CALN1: variants seen among roughly 807,000 people sequenced by gnomAD.
CALN1 encodes calneuron 1.
In CALN1, 17 loss-of-function variants were observed where a neutral mutation model predicts 30.6. That is an observed-to-expected ratio of 0.56 (90% CI 0.38 to 0.83). The LOEUF is 0.83. Among genes scored for constraint, CALN1 ranks in the 40% least tolerant of loss-of-function variants. The pLI, the probability that CALN1 is intolerant of heterozygous loss-of-function variation, is 0.00. For missense variants in CALN1, 291 were observed against 354.9 expected (o/e 0.82, Z 1.45); for synonymous variants, 156 against 131.4 (o/e 1.19, Z -1.28).
intron 3 of CALN1, among the ~76,000 whole-genome samples, chr7:72,275,698 T>G (rs910155022): frequency 1.8e-4 from 27 of 152,140 alleles, no homozygotes; most frequent in African/African-American, 5.8e-4. Context: ...CTGCCAATGC[T>G]CAGGCTGCCA....
chr7:72,154,419 T>C (rs894422150), intron 3 of CALN1, among the ~76,000 whole-genome samples: 3 of 152,060 alleles, frequency 2.0e-5, no homozygotes, highest in Non-Finnish European at 4.4e-5. Flanking sequence ...TGATGAAAAG[T>C]CCTCAAATAT....
chr7:71,952,434 G>T (rs1446637840), intron 5 of CALN1, among the ~76,000 whole-genome samples: 3 of 152,318 alleles, frequency 2.0e-5, no homozygotes, highest in Middle Eastern at 3.4e-3. Flanking sequence ...CAGCAGAGAA[G>T]GAGCTGCTCT....
At chr7:71,886,529 T>C (rs1023875856) in intron 5 of CALN1, among the ~76,000 whole-genome samples, 2 of 152,146 alleles carry the variant, frequency 1.3e-5, no homozygotes, top group African/African-American at 2.4e-5. Flanking sequence ...TCCCAGCACT[T>C]TGGGAGGCGA....
At position 72,242,645 on chromosome 7, in the gene CALN1, T is replaced by C. The variant is rs1794916081; in HGVS notation, c.244+36041A>G. Among the ~76,000 whole-genome samples, 4 of 152,166 alleles carry C rather than the reference T, an allele frequency of 2.6e-5. No homozygotes were observed. In the South Asian group the frequency reaches 8.3e-4, roughly 32 times the overall value. ...GCTCAAACATGTAATCCTAACACTT[T>C]AGGAGGCTGAGGTGGGCAGATCACT... On this transcript the variant is annotated intron_variant, in intron 3 of 6. Transcript: ENST00000395275.
intron 5 of CALN1, among the ~76,000 whole-genome samples, chr7:71,960,979 G>GACAC (rs1797222282): frequency 6.6e-6 from 1 of 152,070 alleles, no homozygotes; most frequent in Non-Finnish European, 1.5e-5. Flanking sequence ...ACCACACCTG[G>GACAC]CTAATTTTTG....
intron 3 of CALN1, among the ~76,000 whole-genome samples, chr7:72,146,988 C>T (rs1049396924): frequency 4.6e-5 from 7 of 152,206 alleles, no homozygotes; most frequent in South Asian, 2.1e-4. Flanking sequence ...TAAAGACTTA[C>T]ATGTTAGACC....
intron 3 of CALN1, among the ~76,000 whole-genome samples, chr7:72,155,045 T>C (rs976688804): frequency 5.3e-5 from 8 of 151,078 alleles, no homozygotes; most frequent in Middle Eastern, 3.2e-3. Context: ...CAACAGGGCA[T>C]GATCATGTCT....
At chr7:72,346,554 C>T (rs1802651198) in intron 2 of CALN1, among the ~76,000 whole-genome samples, 1 of 152,092 alleles carries the variant, frequency 6.6e-6, no homozygotes, top group Non-Finnish European at 1.5e-5. Context: ...TTCACTCTGT[C>T]ACCCAGGCTG....
chr7:72,186,884 GCTT>G (rs1427003367), intron 3 of CALN1, among the ~76,000 whole-genome samples: 132 of 97,564 alleles, frequency 1.4e-3, no homozygotes, highest in African/African-American at 4.7e-3. Context: ...TGAGTGCAGA[GCTT>G]TTTTTTTTTT....
chr7:72,464,776 C>T, the CALN1 span, among the ~76,000 whole-genome samples: 1 of 152,218 alleles, frequency 6.6e-6, no homozygotes, highest in Non-Finnish European at 1.5e-5. Context: ...GCTAATGGGT[C>T]TCACTTAGAT....
intron 3 of CALN1, among the ~76,000 whole-genome samples, chr7:72,188,516 A>G (rs1377124354): frequency 6.6e-6 from 1 of 151,962 alleles, no homozygotes; most frequent in African/African-American, 2.4e-5. Context: ...ATTGAAAGGC[A>G]TAAGAATGAT....
At chr7:71,798,089 CAG>C (rs1451180868) in intron 6 of CALN1, among the ~76,000 whole-genome samples, 1 of 94,304 alleles carries the variant, frequency 1.1e-5, no homozygotes. Context: ...CAGAGAGAGA[CAG>C]AGAGAGAGAC....
intron 3 of CALN1, among the ~76,000 whole-genome samples, chr7:72,273,337 A>G (rs937083792): frequency 1.4e-5 from 2 of 148,078 alleles, no homozygotes; most frequent in Admixed American, 1.4e-4. Flanking sequence ...CAGGAGAATC[A>G]CTTGAACCCA....
At chr7:72,452,841 C>T in the CALN1 span, among the ~76,000 whole-genome samples, 118 of 152,248 alleles carry the variant, frequency 7.8e-4, no homozygotes, top group African/African-American at 2.8e-3. Flanking sequence ...CTGGTTACTT[C>T]CCATTGCCCC....
intron 3 of CALN1, among the ~76,000 whole-genome samples, chr7:72,275,708 A>T (rs1414540852): frequency 6.6e-6 from 1 of 152,224 alleles, no homozygotes; most frequent in Non-Finnish European, 1.5e-5. Flanking sequence ...TCAGGCTGCC[A>T]GCCTGGGCTT....
intron 3 of CALN1, among the ~76,000 whole-genome samples, chr7:72,223,174 G>A (rs17144404): frequency 0.13 from 19,949 of 152,006 alleles, 1,723 homozygotes; most frequent in East Asian, 0.43. Flanking sequence ...TTTATTTAAC[G>A]GGCCGCGGTC....
chr7:72,136,410 A>G (rs1364816955), intron 3 of CALN1, among the ~76,000 whole-genome samples: 1 of 146,396 alleles, frequency 6.8e-6, no homozygotes, highest in South Asian at 2.1e-4. Flanking sequence ...AATTGAAAAG[A>G]GTTGGGGCCT....
intron 2 of CALN1, among the ~76,000 whole-genome samples, chr7:72,300,915 C>T (rs1406759821): frequency 6.6e-6 from 1 of 152,028 alleles, no homozygotes; most frequent in African/African-American, 2.4e-5. Flanking sequence ...ATCGTTTGAA[C>T]CCCCGAGGTT....
At chr7:72,476,554 G>C in the CALN1 span, among the ~76,000 whole-genome samples, 2 of 152,076 alleles carry the variant, frequency 1.3e-5, no homozygotes, top group African/African-American at 4.8e-5. Context: ...AGACCTCTTA[G>C]GACCTCCAAA....
Sources: allele counts gnomAD v4.1 joint callset (sites outside exome capture counted in the v4.1 genomes callset), GRCh38; gene constraint gnomAD v4.1.1; transcripts MANE v1.5; gene names NCBI Gene and HGNC (gene_info 2026-07-23, HGNC 2026-07-21).